RUFY1: variants seen among roughly 807,000 people sequenced by gnomAD.
The protein encoded by RUFY1 is RUN and FYVE domain-containing protein 1.
Under a neutral mutation model 94.6 loss-of-function variants are expected in RUFY1, and 54 were observed. The observed-to-expected ratio is 0.57, with a 90% CI of 0.46 to 0.72. The LOEUF (loss-of-function observed/expected upper bound fraction) is 0.72. RUFY1 is among the 30% of genes least tolerant of loss of function. The pLI is 0.00. For missense variants in RUFY1, 883 were observed against 883.9 expected, an observed-to-expected ratio of 1.00 and a Z score of 0.01; for synonymous variants, 396 against 347.3, an observed-to-expected ratio of 1.14 and a Z score of -1.56.
At chr5:179,599,915 A>G (rs1279828425) in intron 14 of RUFY1, among the ~76,000 whole-genome samples, 1 of 152,226 alleles carries the variant, frequency 6.6e-6, no homozygotes, top group African/African-American at 2.4e-5. Flanking sequence ...GATTCGAGCG[A>G]GTCAGGAAAG....
chr5:179,550,710 A>G lies in RUFY1; in HGVS notation c.141A>G (p.Pro47=). The change falls in exon 1 of 18, where the codon CCA becomes CCG. Residue 47 remains proline, a synonymous_variant. Transcript: ENST00000319449. ...EIVDRSQLPG[P]GDLRSATRPR... ...TGGACCGAAGCCAGCTGCCCGGCCC[A>G]GGCGACCTGCGGAGCGCAACGAGGC... 1 of 1,489,752 alleles carries G rather than the reference A, an allele frequency of 6.7e-7. No homozygotes were observed. Among genetic ancestry groups the G allele is most frequent in the South Asian group, 1.3e-5 (1 of 79,822 alleles). The allele number at this position is 1,489,752 out of a possible 1,614,324, so 92.3% of individuals were successfully genotyped here.
intron 2 of RUFY1, among the ~76,000 whole-genome samples, chr5:179,560,486 A>G (rs148667876): frequency 0.019 from 2,915 of 151,406 alleles, 103 homozygotes; most frequent in African/African-American, 0.064. Context: ...TTGGGAGGCC[A>G]AGGCGGGCGG....
Position 179,560,266 on chromosome 5 carries a change from A to T in RUFY1, c.484+68A>T. ...GGTGTTTGCTCAGCATTTTTTCATC[A>T]GCGCCAGACATCCTTCTAGATGCTG... On this transcript the variant is annotated intron_variant, in intron 2 of 17. Coordinates refer to ENST00000319449, the MANE Select transcript of RUFY1 (RefSeq NM_025158.5). 6 of 1,543,054 alleles carry T rather than the reference A, an allele frequency of 3.9e-6. 1 individual carries two copies. The highest frequency in any genetic ancestry group is 2.7e-5 in the African/African-American group (2 of 73,580).
chr5:179,584,777 CA>C (rs375808253), intron 7 of RUFY1, among the ~76,000 whole-genome samples: 10 of 137,048 alleles, frequency 7.3e-5, no homozygotes, highest in Non-Finnish European at 1.3e-4. Flanking sequence ...CAAAAAAAAA[CA>C]AAAAAAAGTA....
intron 9 of RUFY1, among the ~76,000 whole-genome samples, chr5:179,590,516 C>G (rs1764979824): frequency 1.3e-5 from 2 of 151,484 alleles, no homozygotes; most frequent in African/African-American, 4.8e-5. Flanking sequence ...ACAGAGTCTC[C>G]CTCTGTCGCC....
chr5:179,600,448 A>G (rs568951718), intron 14 of RUFY1, among the ~76,000 whole-genome samples: 13 of 152,286 alleles, frequency 8.5e-5, no homozygotes, highest in African/African-American at 3.1e-4. Context: ...CTAGCCATGA[A>G]ATGAGGTCCC....
intron 12 of RUFY1, 178 bp from the exon 13 acceptor site, chr5:179,596,384 T>TGGGAG: frequency 3.8e-6 from 3 of 786,104 alleles, no homozygotes. Flanking sequence ...TGGGGAGTTT[T>TGGGAG]GGGAGTGGTG....
intron 1 of RUFY1, chr5:179,555,627 T>A (rs963931331): frequency 3.9e-4 from 119 of 302,362 alleles, no homozygotes; most frequent in Middle Eastern, 2.5e-3. Context: ...CCAACTTTTT[T>A]TTTTTTTTTT....
At chr5:179,607,238 G>A (rs1228060636) in intron 16 of RUFY1, 1 of 332,626 alleles carries the variant, frequency 3.0e-6, no homozygotes, top group African/African-American at 2.1e-5. Context: ...CAGGGTCTAG[G>A]GTTGCAGGCA....
At chr5:179,606,130 C>T in intron 16 of RUFY1, 1 of 588,466 alleles carries the variant, frequency 1.7e-6, no homozygotes, top group Non-Finnish European at 3.0e-6. Flanking sequence ...GAGCCTAGGT[C>T]TTCCGACTCC....
Position 179,593,645 on chromosome 5 carries a change from G to A in RUFY1, c.1413G>A (p.Gln471=), listed in dbSNP as rs865790598. 1.2e-6 allele frequency: 2 copies of A among 1,613,294 alleles called. No individual in the cohort carries two copies. Among genetic ancestry groups the A allele is most frequent in the Non-Finnish European group, 1.7e-6 (2 of 1,179,424 alleles). Reference sequence around the variant, plus strand: ...ATTTACAGATGTTTCACAAAGCTCAGGTGGGAGTTGGCTTTGTGTCCATGG... The same window carrying A: ...ATTTACAGATGTTTCACAAAGCTCAAGTGGGAGTTGGCTTTGTGTCCATGG... The part of the protein sequence containing the change: ...AINLQMFHKA[Q]NAESSLQQKN... The change falls in exon 11 of 18, where the codon CAG becomes CAA. Residue 471 remains glutamine (Q), a splice_region_variant and synonymous_variant. Coordinates refer to ENST00000319449, the MANE Select transcript of RUFY1 (RefSeq NM_025158.5).
rs1767201670 is a variant in RUFY1, at chr5:179,607,321, GCTGGAGACCGC to G, written c.1906-254_1906-244del. The G allele has an allele frequency of 5.8e-6, 3 of 516,960 alleles. No homozygotes were observed. The Admixed American group carries it at 1.0e-4, about 18-fold the overall frequency. 32.0% of individuals were successfully genotyped at this position (516,960 alleles called of 1,614,324 possible). On this transcript the variant is annotated intron_variant, in intron 16 of 17. Transcript: ENST00000319449. ...TGGGAGTGTGCCTGAGTGAGCAGAT[GCTGGAGACCGC>G]CTGGAGGCCCCAGGGCAGCCTGCAG...
At chr5:179,555,528 A>T (rs1368094289) in intron 1 of RUFY1, 2 of 288,998 alleles carry the variant, frequency 6.9e-6, no homozygotes, top group Non-Finnish European at 1.4e-5. Flanking sequence ...CACTGCCAGC[A>T]GCACTTCCAG....
At chr5:179,559,739 C>T (rs1031790635) in intron 1 of RUFY1, 3 of 1,125,390 alleles carry the variant, frequency 2.7e-6, no homozygotes, top group South Asian at 6.3e-5. Context: ...GCGAGTCTTG[C>T]TAAAGCCGTC....
At chr5:179,599,869 T>A (rs1299902603) in intron 14 of RUFY1, among the ~76,000 whole-genome samples, 1 of 152,222 alleles carries the variant, frequency 6.6e-6, no homozygotes, top group Non-Finnish European at 1.5e-5. Context: ...GGACCTGGAT[T>A]TTGTTGTGTT....
chr5:179,596,854 C>G, intron 13 of RUFY1, 173 bp downstream of exon 13: 1 of 846,068 alleles, frequency 1.2e-6, no homozygotes, highest in Non-Finnish European at 1.7e-6. Flanking sequence ...CCCTAGGGAG[C>G]TCCCTCCCCA....
intron 15 of RUFY1, among the ~76,000 whole-genome samples, chr5:179,604,014 G>C (rs569721404): frequency 6.6e-6 from 1 of 152,138 alleles, no homozygotes; most frequent in Non-Finnish European, 1.5e-5. Context: ...CCGAGATCGC[G>C]CCATTGCACT....
intron 1 of RUFY1, chr5:179,559,581 G>A (rs1762282965): frequency 2.5e-6 from 2 of 794,992 alleles, no homozygotes; most frequent in Non-Finnish European, 3.1e-6. Context: ...CGTAGGAGAG[G>A]CCTTGAGCTG....
intron 2 of RUFY1, among the ~76,000 whole-genome samples, chr5:179,560,582 T>C (rs745929832): frequency 3.5e-4 from 53 of 150,210 alleles, no homozygotes; most frequent in Non-Finnish European, 5.8e-4. Context: ...AAAAATTAGC[T>C]GGGCGTGGTA....
Sources: allele counts gnomAD v4.1 joint callset (sites outside exome capture counted in the v4.1 genomes callset), GRCh38; gene constraint gnomAD v4.1.1; transcripts MANE v1.5; gene names NCBI Gene and HGNC (gene_info 2026-07-23, HGNC 2026-07-21).